NPRL3: variants seen among roughly 807,000 people sequenced by gnomAD.
NPRL3 encodes GATOR1 complex protein NPRL3.
Under a neutral mutation model 57.2 loss-of-function variants are expected in NPRL3, and 23 were observed. That is an observed-to-expected ratio of 0.40 (90% CI 0.29 to 0.57). NPRL3 has a LOEUF of 0.57. Ranked by LOEUF, NPRL3 falls within the 20% of genes least tolerant of loss-of-function variation. The pLI is 0.42. For missense variants in NPRL3, 691 were observed against 767.1 expected, an observed-to-expected ratio of 0.90 and a Z score of 1.17; for synonymous variants, 333 against 321.1, an observed-to-expected ratio of 1.04 and a Z score of -0.39.
At chr16:116,797 C>CA (rs1555443792) in intron 5 of NPRL3, among the ~76,000 whole-genome samples, 2 of 143,826 alleles carry the variant, frequency 1.4e-5, no homozygotes, top group South Asian at 2.4e-4. Context: ...ACCCCCCCCC[C>CA]CCACCGATCT....
chr16:93,564 GTTT>G (rs34541011), intron 9 of NPRL3, among the ~76,000 whole-genome samples: 3 of 135,438 alleles, frequency 2.2e-5, no homozygotes, highest in Admixed American at 7.4e-5. Context: ...GTGAGCAATG[GTTT>G]TTTTTTTTTT....
chr16:101,799 C>A (rs1899310902), intron 7 of NPRL3, among the ~76,000 whole-genome samples: 1 of 152,196 alleles, frequency 6.6e-6, no homozygotes, highest in East Asian at 1.9e-4. Flanking sequence ...TGCCCTTGCC[C>A]ACAAACTCTC....
chr16:126,793 C>G (rs767297722), intron 3 of NPRL3, among the ~76,000 whole-genome samples: 3 of 152,164 alleles, frequency 2.0e-5, no homozygotes, highest in Non-Finnish European at 2.9e-5. Flanking sequence ...GGACAATATC[C>G]ATTTTCTTTT....
intron 7 of NPRL3, among the ~76,000 whole-genome samples, chr16:102,737 C>T (rs889907398): frequency 1.1e-4 from 17 of 152,192 alleles, no homozygotes; most frequent in Admixed American, 5.9e-4. Context: ...GTACAAACGG[C>T]CCCTCGGACG....
chr16:136,456 A>G (rs547524681), intron 2 of NPRL3, among the ~76,000 whole-genome samples: 5 of 152,116 alleles, frequency 3.3e-5, no homozygotes, highest in African/African-American at 9.6e-5. Flanking sequence ...TTGGGAGGCC[A>G]AGGCGGGCGG....
At position 100,367 on chromosome 16, in the gene NPRL3, C is replaced by T; in HGVS notation, c.767+5G>A. 2.0e-6 allele frequency: 3 copies of T among 1,527,712 alleles called. No individual in the cohort carries two copies. Among genetic ancestry groups the T allele is most frequent in the Non-Finnish European group, 2.6e-6 (3 of 1,135,820 alleles). The allele number at this position is 1,527,712 out of a possible 1,614,324, so 94.6% of individuals were successfully genotyped here. A position where few individuals can be genotyped will look rare whatever the true frequency, so the allele number is the denominator to read the frequency against. On this transcript the variant is annotated splice_donor_5th_base_variant and intron_variant, in intron 8 of 13. Coordinates refer to ENST00000611875, the MANE Select transcript of NPRL3 (RefSeq NM_001077350.3). The stretch of plus-strand genomic sequence containing the variant: ...GGGAGTGAGCACGTGGGGCTGGGCA[C>T]TTACCGGATGGCTTTCAGGCTCCGT...
intron 7 of NPRL3, among the ~76,000 whole-genome samples, chr16:101,021 A>T (rs577632065): frequency 6.6e-6 from 1 of 151,260 alleles, no homozygotes; most frequent in South Asian, 2.1e-4. Flanking sequence ...AAAGAGAAAC[A>T]TATTTCTGGC....
chr16:122,157 C>T (rs530867980), intron 3 of NPRL3, among the ~76,000 whole-genome samples: 3 of 151,622 alleles, frequency 2.0e-5, no homozygotes, highest in South Asian at 2.1e-4. Flanking sequence ...AGTGTAATGG[C>T]GCAATCTCGG....
At chr16:134,257 TG>T (rs200428577) in intron 2 of NPRL3, among the ~76,000 whole-genome samples, 1,522 of 151,968 alleles carry the variant, frequency 0.01, 31 homozygotes, top group African/African-American at 0.034. Flanking sequence ...CCTCACAGTG[TG>T]GGATGACAAT....
At chr16:138,618 CGG>C (rs1245831390) in intron 1 of NPRL3, 22 bp downstream of exon 1, 1 of 110 alleles carries the variant, frequency 9.1e-3, no homozygotes, top group Non-Finnish European at 0.024. Flanking sequence ...GTGGTGGACG[CGG>C]AGCAGCGCCA....
At chr16:125,686 G>A (rs1237666118) in intron 3 of NPRL3, 1 of 152,254 alleles carries the variant, frequency 6.6e-6, no homozygotes. Context: ...TTGGAACCCT[G>A]AACCTGCACT....
At chr16:108,815 C>T (rs1190720010) in intron 7 of NPRL3, among the ~76,000 whole-genome samples, 1 of 151,268 alleles carries the variant, frequency 6.6e-6, no homozygotes, top group Non-Finnish European at 1.5e-5. Context: ...GGACTACAGG[C>T]ATGCACCACC....
chr16:132,934 G>A (rs1239057160), intron 2 of NPRL3, among the ~76,000 whole-genome samples: 3 of 152,114 alleles, frequency 2.0e-5, no homozygotes, highest in African/African-American at 7.2e-5. Flanking sequence ...CTCCCAAAGT[G>A]CTAGGATTAC....
At chr16:89,928 G>A (rs1390874348) in intron 11 of NPRL3, 26 bp from the exon 12 acceptor site, 3 of 1,535,094 alleles carry the variant, frequency 2.0e-6, no homozygotes, top group Non-Finnish European at 2.6e-6. Flanking sequence ...GGTGAGGCTG[G>A]TCCCCCTCCC....
Position 100,707 on chromosome 16 carries a change from T to G in NPRL3, c.630-198A>C, listed in dbSNP as rs111724445. On this transcript the variant is annotated intron_variant, in intron 7 of 13. Coordinates refer to ENST00000611875, the MANE Select transcript of NPRL3 (RefSeq NM_001077350.3). The stretch of plus-strand genomic sequence containing the variant: ...TATGGGGGCCGGGCACGGTGGCTCA[T>G]GCCTGTAATCCCAGCACTTTGGGAG... Among the ~76,000 whole-genome samples, 1,031 of 74,082 alleles carry G rather than the reference T, an allele frequency of 0.014. 12 individuals carry two copies. The highest frequency in any genetic ancestry group is 0.03 in the African/African-American group (991 of 32,830). The allele number at this position is 74,082 out of a possible 152,430, so 48.6% of individuals were successfully genotyped here.
chr16:119,505 G>A, intron 3 of NPRL3: 1 of 528,420 alleles, frequency 1.9e-6, no homozygotes, highest in Non-Finnish European at 3.4e-6. Flanking sequence ...GTCATTTTTT[G>A]GCATGCTCTA....
chr16:91,483 G>A (rs1274396697), intron 11 of NPRL3, among the ~76,000 whole-genome samples: 7 of 152,244 alleles, frequency 4.6e-5, no homozygotes, highest in Admixed American at 2.6e-4. Flanking sequence ...ACTCAGTCAT[G>A]GCCTGGAAAA....
chr16:135,616 A>G (rs897311059), intron 2 of NPRL3, among the ~76,000 whole-genome samples: 1 of 151,550 alleles, frequency 6.6e-6, no homozygotes, highest in Non-Finnish European at 1.5e-5. Context: ...CTCAAAAAAA[A>G]AAAAAAAAAA....
At chr16:98,004 G>C in intron 9 of NPRL3, 141 bp downstream of exon 9, 1 of 1,030,684 alleles carries the variant, frequency 9.7e-7, no homozygotes, top group Non-Finnish European at 1.4e-6. Flanking sequence ...GCCATCCCAG[G>C]GACTGGCCCC....
Sources: allele counts gnomAD v4.1 joint callset (sites outside exome capture counted in the v4.1 genomes callset), GRCh38; gene constraint gnomAD v4.1.1; transcripts MANE v1.5; gene names NCBI Gene and HGNC (gene_info 2026-07-23, HGNC 2026-07-21).